Variants in HERC2 observed in about 807,000 individuals in gnomAD.
HERC2 encodes the protein HECT and RLD domain containing E3 ubiquitin protein ligase 2, also known as E3 ubiquitin-protein ligase HERC2.
HERC2 carries 102 observed loss-of-function variants against 537.7 expected under a neutral mutation model. That is an observed-to-expected ratio of 0.19 (90% CI 0.16 to 0.22). The LOEUF (loss-of-function observed/expected upper bound fraction) is 0.22. HERC2 is among the 10% of genes least tolerant of loss of function. HERC2 has a pLI of 1.00. For missense variants in HERC2, 4,236 were observed against 6,198.2 expected (o/e 0.68, Z 10.63); for synonymous variants, 2,224 against 2,466.2 (o/e 0.90, Z 2.91).
Position 28,229,719 on chromosome 15 carries a change from T to C in HERC2, c.4938A>G (p.Glu1646=). ...TCATTTTTTCCACATCCACTGGCTC[T>C]TCTTTAAGGGCAAATTCAGCAATTG... ...LSTIAEFALK[E]EPVDVEKMRK... is the part of the protein sequence containing the mutation. The change falls in exon 32 of 93, where the codon GAA becomes GAG. Residue 1646 remains glutamate, a synonymous_variant. Transcript: ENST00000261609. 6.2e-7 allele frequency: 1 copy of C among 1,611,788 alleles called. No homozygotes were observed. Among genetic ancestry groups the C allele is most frequent in the Non-Finnish European group, 8.5e-7 (1 of 1,179,624 alleles).
chr15:28,142,421 G>A, intron 75 of HERC2, 28 bp from the exon 76 acceptor site: 8 of 1,604,752 alleles, frequency 5.0e-6, no homozygotes, highest in Non-Finnish European at 6.8e-6. Flanking sequence ...GACAAACTCA[G>A]GGAAACTCAG....
At chr15:28,161,787 A>G (rs572649122) in intron 69 of HERC2, among the ~76,000 whole-genome samples, 2 of 152,234 alleles carry the variant, frequency 1.3e-5, no homozygotes, top group Non-Finnish European at 2.9e-5. Flanking sequence ...TTAAAGCTGT[A>G]ATAGTTAAAA....
In HERC2 at chr15:28,113,703, C is replaced by T. The variant is rs369833599; in HGVS notation, c.13914-25G>A. On this transcript the variant is annotated intron_variant, in intron 90 of 92. Transcript: ENST00000261609. This position sits in a 1 kb window ranked among gnomAD's most constrained non-coding sequence, Gnocchi z 7.0. ...TCTGGAAGAAAAAGCTCACTTTACA[C>T]TTCTGTCTTCAGTGACACTGACTTT... 12 of 1,584,722 alleles carry T rather than the reference C, an allele frequency of 7.6e-6. No individual in the cohort carries two copies. In the South Asian group the frequency reaches 1.1e-4, roughly 15 times the overall value.
chr15:28,310,727 A>G (rs1471996218), intron 2 of HERC2, among the ~76,000 whole-genome samples: 1 of 152,124 alleles, frequency 6.6e-6, no homozygotes, highest in East Asian at 1.9e-4. Flanking sequence ...AGGGAATACG[A>G]CATTTGACCC....
At chr15:28,183,221 T>C (rs1363799890) in intron 56 of HERC2, among the ~76,000 whole-genome samples, 3 of 152,054 alleles carry the variant, frequency 2.0e-5, no homozygotes, top group African/African-American at 7.2e-5. Flanking sequence ...TATTTTTTGT[T>C]TGTTTTGAGA....
At chr15:28,299,668 T>C (rs1260596903) in intron 2 of HERC2, 152 bp from the exon 3 acceptor site, 1 of 598,496 alleles carries the variant, frequency 1.7e-6, no homozygotes, top group Admixed American at 3.2e-5. Flanking sequence ...ATTTAATCAT[T>C]TTACATTTCA....
rs553476225 is a variant in HERC2, at chr15:28,137,002, C to CA, written c.12016-1311dup. On this transcript the variant is annotated intron_variant, in intron 78 of 92. Coordinates refer to ENST00000261609, the MANE Select transcript of HERC2 (RefSeq NM_004667.6). Reference sequence around the variant, plus strand: ...AAAGATGTGCAACATTTAGCTAACTCAAAAAAAAAAACCACAGTCCATATA... The same window carrying CA: ...AAAGATGTGCAACATTTAGCTAACTCAAAAAAAAAAAACCACAGTCCATATA... Among the ~76,000 whole-genome samples the CA allele has an allele frequency of 3.3e-3, 466 of 141,160 alleles. 3 individuals are homozygous for CA. Among genetic ancestry groups the CA allele is most frequent in the South Asian group, 0.022 (96 of 4,304 alleles). The allele number at this position is 141,160 out of a possible 152,430, so 92.6% of individuals were successfully genotyped here. A position where few individuals can be genotyped will look rare whatever the true frequency, so the allele number is the denominator to read the frequency against.
intron 4 of HERC2, among the ~76,000 whole-genome samples, chr15:28,282,976 C>T (rs73362700): frequency 1.1e-4 from 12 of 112,580 alleles, no homozygotes; most frequent in African/African-American, 4.1e-4. Flanking sequence ...AGGGATGGGA[C>T]GGGACGGGAC....
chr15:28,121,581 AG>A, intron 85 of HERC2, 152 bp from the exon 86 acceptor site: 1 of 692,474 alleles, frequency 1.4e-6, no homozygotes. Flanking sequence ...GTGAGGGTGC[AG>A]GGGAACAGGC....
Position 28,113,576 on chromosome 15 carries a change from C to G in HERC2, c.14016G>C (p.Thr4672=), listed in dbSNP as rs376290379. Residue 4672 remains threonine (T), a synonymous_variant, in exon 91 of 93, where the codon ACG becomes ACC. Coordinates refer to ENST00000261609, the MANE Select transcript of HERC2 (RefSeq NM_004667.6). This position sits in a 1 kb window ranked among gnomAD's most constrained non-coding sequence, Gnocchi z 7.0. ...LSLFTGYELE[T]MVCGSPDIPL... ...CCCCACCTGGGGGTCGGCATACCAT[C>G]GTCTCCAGTTCGTAGCCGGTGAACA... 7.4e-6 allele frequency: 12 copies of G among 1,613,722 alleles called. No homozygotes were observed. The highest frequency in any genetic ancestry group is 6.7e-5 in the African/African-American group (5 of 74,912).
At chr15:28,282,484 A>G (rs1308018921) in intron 4 of HERC2, among the ~76,000 whole-genome samples, 1 of 152,222 alleles carries the variant, frequency 6.6e-6, no homozygotes, top group Non-Finnish European at 1.5e-5. Flanking sequence ...AGGAAGACAA[A>G]AAAAAGAAAC....
chr15:28,261,918 T>C (rs1158826186), intron 15 of HERC2, among the ~76,000 whole-genome samples: 2 of 152,320 alleles, frequency 1.3e-5, no homozygotes, highest in South Asian at 2.1e-4. Context: ...ACAAAGAATG[T>C]ATGTAGTACC....
intron 2 of HERC2, among the ~76,000 whole-genome samples, chr15:28,318,802 TAA>T (rs1285019109): frequency 1.3e-5 from 2 of 151,374 alleles, no homozygotes; most frequent in South Asian, 2.1e-4. Flanking sequence ...ACAAGCATTA[TAA>T]GTTTTCACAC....
rs767777749 is a variant in HERC2 at position 28,246,704 on chromosome 15, TA to T, written c.3391+37del. ...GACACTTTAGCTTTCATCTATCTCC[TA>T]AAATAAACATGTACACAAGCAGGAA... On this transcript the variant is annotated intron_variant, in intron 22 of 92. Coordinates refer to ENST00000261609, the MANE Select transcript of HERC2 (RefSeq NM_004667.6). 3.1e-5 allele frequency: 47 copies of T among 1,504,844 alleles called. No homozygotes were observed. The East Asian group carries it at 1.0e-3, about 32-fold the overall frequency. The allele number at this position is 1,504,844 out of a possible 1,614,324, so 93.2% of individuals were successfully genotyped here.
intron 2 of HERC2, among the ~76,000 whole-genome samples, chr15:28,305,286 G>A (rs1238798500): frequency 6.6e-5 from 10 of 151,842 alleles, no homozygotes; most frequent in East Asian, 3.8e-4. Flanking sequence ...CTGAGGAATC[G>A]CCACACTGAC....
chr15:28,227,229 C>A (rs909338086), intron 35 of HERC2, among the ~76,000 whole-genome samples: 1 of 151,988 alleles, frequency 6.6e-6, no homozygotes, highest in Non-Finnish European at 1.5e-5. Flanking sequence ...GAGCTGAGAT[C>A]GTGCCACTGT....
At chr15:28,127,106 T>G (rs930423535) in intron 83 of HERC2, among the ~76,000 whole-genome samples, 1 of 152,208 alleles carries the variant, frequency 6.6e-6, no homozygotes, top group Non-Finnish European at 1.5e-5. Flanking sequence ...CTCGGGTGTC[T>G]GGAAAGTGTG....
intron 65 of HERC2, among the ~76,000 whole-genome samples, chr15:28,171,373 A>C (rs1894680716): frequency 6.6e-6 from 1 of 152,218 alleles, no homozygotes. Flanking sequence ...TGACATGAAA[A>C]GAGCTATACG....
At position 28,307,860 on chromosome 15, in the gene HERC2, C is replaced by T. The variant is rs146165102; in HGVS notation, c.73-8344G>A. ...GTACCTTTGTCGAAAATGAGTTCAC[C>T]GTAGATGTGCGGATTTGTTTCTGGA... is the stretch of plus-strand genomic sequence containing the variant. On this transcript the variant is annotated intron_variant, in intron 2 of 92. Coordinates refer to ENST00000261609, the MANE Select transcript of HERC2 (RefSeq NM_004667.6). Among the ~76,000 whole-genome samples, 18 of 152,260 alleles carry T rather than the reference C, an allele frequency of 1.2e-4. No individual in the cohort carries two copies. The East Asian group carries it at 2.1e-3, about 18-fold the overall frequency.
Sources: allele counts gnomAD v4.1 joint callset (sites outside exome capture counted in the v4.1 genomes callset), GRCh38; gene constraint gnomAD v4.1.1; non-coding constraint Gnocchi (gnomAD v3.1); transcripts MANE v1.5; gene names NCBI Gene and HGNC (gene_info 2026-07-23, HGNC 2026-07-21).